The following IL31RA variants were observed in gnomAD, a reference collection of about 807,000 sequenced individuals.
IL31RA encodes the protein interleukin 31 receptor A.
A neutral mutation model predicts 83.7 loss-of-function variants in IL31RA; 66 were observed. The ratio of observed to expected loss-of-function variants is 0.79; its 90% CI spans 0.65 to 0.97. The LOEUF is 0.97. Among genes scored for constraint, IL31RA ranks in the 50% least tolerant of loss-of-function variants. The pLI is 0.00. For missense variants in IL31RA, 798 were observed against 919.4 expected (o/e 0.87, Z 1.71); for synonymous variants, 325 against 329.0 (o/e 0.99, Z 0.13).
rs538168772 is a variant in IL31RA, at chr5:55,904,410, A to T, written c.1070-1696A>T. Among the ~76,000 whole-genome samples, 8 of 152,318 alleles carry T rather than the reference A, an allele frequency of 5.3e-5. No homozygotes were observed. In the South Asian group the frequency reaches 1.2e-3, roughly 24 times the overall value. On this transcript the variant is annotated intron_variant, in intron 8 of 14. Transcript: ENST00000652347. ...CTAGTTACATCTCCAAGGCTCCAGC[A>T]GGGACTTTCAGCCAGGACTGGCTGG...
At chr5:55,874,940 G>T (rs968729337) in intron 4 of IL31RA, among the ~76,000 whole-genome samples, 1 of 152,066 alleles carries the variant, frequency 6.6e-6, no homozygotes, top group Non-Finnish European at 1.5e-5. Context: ...TCCTTTTCTT[G>T]TTCCTGATCT....
intron 6 of IL31RA, among the ~76,000 whole-genome samples, chr5:55,892,617 G>A (rs1748070703): frequency 6.6e-6 from 1 of 152,096 alleles, no homozygotes; most frequent in African/African-American, 2.4e-5. Flanking sequence ...TTTTCAGCAG[G>A]CAAGCTGATG....
intron 12 of IL31RA, among the ~76,000 whole-genome samples, chr5:55,912,390 T>A (rs2112580746): frequency 6.6e-6 from 1 of 152,360 alleles, no homozygotes; most frequent in Middle Eastern, 3.4e-3. Context: ...GCTTCAAAGC[T>A]TTTGCATCCA....
chr5:55,908,128 C>G, intron 10 of IL31RA, 137 bp from the exon 11 acceptor site: 3 of 1,191,724 alleles, frequency 2.5e-6, no homozygotes, highest in Non-Finnish European at 2.4e-6. Context: ...CAAGCTGATT[C>G]ATCAATTCCC....
chr5:55,896,996 A>ATATATATATATATATAT (rs1445403627), intron 7 of IL31RA, among the ~76,000 whole-genome samples: 1 of 308 alleles, frequency 3.2e-3, no homozygotes, highest in Non-Finnish European at 0.014. Flanking sequence ...AAAAAAAAAA[A>ATATATATATATATATAT]AAAAATATAT....
intron 2 of IL31RA, among the ~76,000 whole-genome samples, chr5:55,865,171 A>AC (rs1172015885): frequency 5.3e-5 from 8 of 152,326 alleles, no homozygotes; most frequent in Admixed American, 2.0e-4. Flanking sequence ...TGTAGCTTTC[A>AC]ATCTCTATGT....
intron 5 of IL31RA, among the ~76,000 whole-genome samples, chr5:55,888,978 C>T (rs539351091): frequency 6.6e-6 from 1 of 152,290 alleles, no homozygotes; most frequent in East Asian, 1.9e-4. Context: ...CAAGTAGTAT[C>T]AGGACTTCCT....
At chr5:55,874,265 A>C (rs1387567954) in intron 4 of IL31RA, among the ~76,000 whole-genome samples, 1 of 152,078 alleles carries the variant, frequency 6.6e-6, no homozygotes, top group Non-Finnish European at 1.5e-5. Flanking sequence ...CCATTGAACT[A>C]TATTTTTGTA....
intron 4 of IL31RA, among the ~76,000 whole-genome samples, chr5:55,874,063 A>G (rs1270411377): frequency 6.6e-6 from 1 of 152,024 alleles, no homozygotes; most frequent in East Asian, 1.9e-4. Context: ...TAATTTTTGT[A>G]TATGGTGTTA....
chr5:55,907,307 C>T (rs1749211344), intron 9 of IL31RA, 52 bp from the exon 10 acceptor site: 1 of 1,055,006 alleles, frequency 9.5e-7, no homozygotes, highest in Non-Finnish European at 1.5e-6. Context: ...CTAGTATTCC[C>T]CCCACTCTGC....
intron 6 of IL31RA, among the ~76,000 whole-genome samples, chr5:55,891,853 G>A (rs552209582): frequency 3.7e-4 from 45 of 122,834 alleles, no homozygotes; most frequent in Non-Finnish European, 5.1e-4. Flanking sequence ...TCCGCTCACC[G>A]CAAGCTCCGC....
upstream of IL31RA, among the ~76,000 whole-genome samples, chr5:55,846,995 A>G (rs1487654572): frequency 2.0e-5 from 3 of 151,764 alleles, no homozygotes; most frequent in African/African-American, 7.3e-5. Context: ...CTGTAATCCC[A>G]GCACTTTGGG....
chr5:55,867,278 C>T (rs1413401456), intron 2 of IL31RA, among the ~76,000 whole-genome samples: 10 of 12,506 alleles, frequency 8.0e-4, no homozygotes, highest in South Asian at 1.9e-3. Flanking sequence ...CGTGTGTGTG[C>T]ATGTGTGTGT....
At chr5:55,862,378 T>C (rs570991320) in intron 2 of IL31RA, among the ~76,000 whole-genome samples, 1 of 152,322 alleles carries the variant, frequency 6.6e-6, no homozygotes, top group East Asian at 1.9e-4. Flanking sequence ...CACTAGTTTT[T>C]CCATGAATGA....
chr5:55,922,453 A>G lies in IL31RA; in HGVS notation c.*5333A>G. ...TATAAGTGTGGACTAAAATGCGAGA[A>G]AGGTGTCCTGTGGTCTATGCAAATT... On this transcript the variant is annotated 3_prime_UTR_variant, in exon 15 of 15. Coordinates refer to ENST00000652347, the MANE Select transcript of IL31RA (RefSeq NM_139017.7). 1 of 1,547,102 alleles carries G rather than the reference A, an allele frequency of 6.5e-7. No homozygotes were observed. The highest frequency in any genetic ancestry group is 2.4e-5 in the East Asian group (1 of 40,902).
chr5:55,881,261 C>T (rs1269570468), intron 4 of IL31RA, among the ~76,000 whole-genome samples: 2 of 150,614 alleles, frequency 1.3e-5, no homozygotes, highest in Non-Finnish European at 3.0e-5. Context: ...GAGATCGCGC[C>T]ACTGCACTCC....
At chr5:55,847,240 AATAAAAATAAAT>A (rs1395124618), upstream of IL31RA, among the ~76,000 whole-genome samples, 1 of 14,178 alleles carries the variant, frequency 7.1e-5, no homozygotes, top group Non-Finnish European at 2.4e-4. Context: ...AAAAAAAAAA[AATAAAAATAAAT>A]AAATAAATAA....
At chr5:55,904,192 A>G (rs1748993572) in intron 8 of IL31RA, among the ~76,000 whole-genome samples, 1 of 152,206 alleles carries the variant, frequency 6.6e-6, no homozygotes, top group Non-Finnish European at 1.5e-5. Flanking sequence ...GGGGGGATAC[A>G]ATTCAACCTG....
chr5:55,896,217 C>A, intron 6 of IL31RA, 133 bp from the exon 7 acceptor site: 1 of 724,874 alleles, frequency 1.4e-6, no homozygotes. Context: ...GCAAAGCTGC[C>A]ATCCCTCCAC....
Sources: gnomAD v4.1 joint callset for allele counts (sites outside exome capture counted in the v4.1 genomes callset) on GRCh38, gnomAD v4.1.1 for gene constraint, MANE v1.5 for transcripts, NCBI Gene and HGNC (gene_info 2026-07-23, HGNC 2026-07-21) for gene names.